Variants in CGREF1 observed in about 807,000 individuals in gnomAD.
The protein encoded by CGREF1 is cell growth regulator with EF hand domain protein 1.
In CGREF1, 16 loss-of-function variants were observed where a neutral mutation model predicts 17.4. The ratio of observed to expected loss-of-function variants is 0.92; its 90% confidence interval spans 0.62 to 1.40. The LOEUF (loss-of-function observed/expected upper bound fraction) is 1.40. Among genes scored for constraint, CGREF1 ranks in the 40% most tolerant of loss-of-function variants. The pLI is 0.00. For missense variants in CGREF1, 296 were observed against 376.4 expected, an observed-to-expected ratio of 0.79 and a Z score of 1.77; for synonymous variants, 142 against 154.6, an observed-to-expected ratio of 0.92 and a Z score of 0.61.
chr2:27,105,547 T>TG (rs1435843762), intron 1 of CGREF1, among the ~76,000 whole-genome samples: 3 of 11,878 alleles, frequency 2.5e-4, no homozygotes, highest in African/African-American at 3.4e-4. Flanking sequence ...GTCATTTTTC[T>TG]TTTTTTTCTT....
At chr2:27,099,653 C>T (rs770569236), downstream of CGREF1, 20 of 1,614,014 alleles carry the variant, frequency 1.2e-5, no homozygotes, top group East Asian at 2.2e-5. Context: ...TAGCTACTTG[C>T]CCCTCCTCCA....
intron 1 of CGREF1, among the ~76,000 whole-genome samples, chr2:27,115,043 T>G (rs1446525295): frequency 6.6e-6 from 1 of 152,204 alleles, no homozygotes; most frequent in African/African-American, 2.4e-5. Flanking sequence ...CCCATTATCC[T>G]TTTAAGCCAT....
At chr2:27,108,319 A>T (rs1463809055) in intron 1 of CGREF1, among the ~76,000 whole-genome samples, 1 of 152,208 alleles carries the variant, frequency 6.6e-6, no homozygotes, top group Non-Finnish European at 1.5e-5. Context: ...ATTAGACACA[A>T]CTGATATGAG....
chr2:27,110,695 A>G, intron 1 of CGREF1: 1 of 159,712 alleles, frequency 6.3e-6, no homozygotes, highest in Non-Finnish European at 1.4e-5. Context: ...TGTGTCCGGA[A>G]TTGGTGGGTT....
chr2:27,100,167 C>T, downstream of CGREF1: 1 of 483,284 alleles, frequency 2.1e-6, no homozygotes, highest in Non-Finnish European at 3.8e-6. Context: ...ACTCGGTGCC[C>T]CACACCCAGT....
Position 27,101,074 on chromosome 2 carries a change from G to A in CGREF1, c.*200C>T, listed in dbSNP as rs1385517708. ...CTGGACGGGTAGAGAGGTGGCCGGG[G>A]GGATGAATTCATTCAGTTCTTTATT... On this transcript the variant is annotated 3_prime_UTR_variant, in exon 6 of 6. Coordinates refer to ENST00000402394, the MANE Select transcript of CGREF1 (RefSeq NM_006569.6). The A allele has an allele frequency of 1.1e-5, 15 of 1,357,956 alleles. No homozygotes were observed. The highest frequency in any genetic ancestry group is 1.4e-5 in the Non-Finnish European group (15 of 1,062,128). The allele number at this position is 1,357,956 out of a possible 1,614,324, so 84.1% of individuals were successfully genotyped here. A position where few individuals can be genotyped will look rare whatever the true frequency, so the allele number is the denominator to read the frequency against.
In CGREF1 at chr2:27,116,888, TC is replaced by T; in HGVS notation, c.-12+1957del. Among the ~76,000 whole-genome samples the T allele has an allele frequency of 2.0e-5, 2 of 97,634 alleles. 1 individual carries two copies. Among genetic ancestry groups the T allele is most frequent in the South Asian group, 7.1e-4 (2 of 2,800 alleles). 64.1% of individuals were successfully genotyped at this position (97,634 alleles called of 152,430 possible). On this transcript the variant is annotated intron_variant, in intron 1 of 5. Transcript: ENST00000402394. ...CAGGCCTATTCTCTCTCTCTCTCTC[TC>T]TCTCTCTCTCTCTCTCTCTCTCTCT...
intron 1 of CGREF1, among the ~76,000 whole-genome samples, chr2:27,113,280 G>A (rs1425542036): frequency 6.6e-6 from 1 of 152,132 alleles, no homozygotes; most frequent in Non-Finnish European, 1.5e-5. Flanking sequence ...CCTGGCCTGG[G>A]TGCCACAGAG....
At position 27,118,455 on chromosome 2, in the gene CGREF1, G is replaced by A. The variant is rs183841359; in HGVS notation, c.-12+391C>T. 1.9e-4 allele frequency among the ~76,000 whole-genome samples: 29 copies of A among 152,214 alleles called. No homozygotes were observed. The East Asian group carries it at 5.6e-3, about 29-fold the overall frequency. On this transcript the variant is annotated intron_variant, in intron 1 of 5. Coordinates refer to ENST00000402394, the MANE Select transcript of CGREF1 (RefSeq NM_006569.6). ...GCCCACACCCGGGAGCTGGTCCCTC[G>A]GCCACCTGCAAGCGGACGACAGCCT... is the stretch of plus-strand genomic sequence containing the variant.
At chr2:27,109,778 G>A (rs551116163) in intron 1 of CGREF1, among the ~76,000 whole-genome samples, 1 of 151,360 alleles carries the variant, frequency 6.6e-6, no homozygotes, top group Admixed American at 6.6e-5. Context: ...CCAGCTACTT[G>A]GGTGGCTGAG....
chr2:27,108,601 A>G (rs1206415331), intron 1 of CGREF1, among the ~76,000 whole-genome samples: 1 of 152,248 alleles, frequency 6.6e-6, no homozygotes, highest in Admixed American at 6.5e-5. Context: ...TCTAAAATAG[A>G]ACACTCAAGA....
At chr2:27,115,773 G>A (rs1007056561) in intron 1 of CGREF1, among the ~76,000 whole-genome samples, 5 of 152,198 alleles carry the variant, frequency 3.3e-5, no homozygotes, top group Non-Finnish European at 5.9e-5. Flanking sequence ...ATAGCACACT[G>A]CTTCAAACCA....
intron 1 of CGREF1, among the ~76,000 whole-genome samples, chr2:27,111,738 G>C (rs2148395801): frequency 6.7e-6 from 1 of 149,970 alleles, no homozygotes; most frequent in South Asian, 2.1e-4. Context: ...GCCCGGGGCC[G>C]GCGGGGCCGG....
At chr2:27,107,206 T>C (rs1402789498) in intron 1 of CGREF1, among the ~76,000 whole-genome samples, 2 of 152,178 alleles carry the variant, frequency 1.3e-5, no homozygotes, top group Non-Finnish European at 1.5e-5. Context: ...GGAAAAGCTG[T>C]GTTGGAATTG....
intron 1 of CGREF1, among the ~76,000 whole-genome samples, chr2:27,105,532 A>C (rs1671084679): frequency 7.6e-6 from 1 of 131,826 alleles, no homozygotes; most frequent in African/African-American, 2.8e-5. Context: ...AGAGTCACAG[A>C]ACCTGTCATT....
At chr2:27,102,291 G>A in intron 4 of CGREF1, 69 bp downstream of exon 4, 1 of 1,612,690 alleles carries the variant, frequency 6.2e-7, no homozygotes, top group Non-Finnish European at 8.5e-7. Flanking sequence ...CAATGGGGCA[G>A]CCGAGGTCAG....
chr2:27,108,346 AATAG>A (rs575054940), intron 1 of CGREF1, among the ~76,000 whole-genome samples: 355 of 152,380 alleles, frequency 2.3e-3, no homozygotes, highest in African/African-American at 8.4e-3. Flanking sequence ...TGAACTGGAA[AATAG>A]ATCTGAATAA....
In CGREF1 at chr2:27,104,837, G is replaced by GTGTTTATTAAAA; in HGVS notation, c.-11-461_-11-460insTTTTAATAAACA. ...TTAAACACAGGCAAAAAGAGAAATG[G>GTGTTTATTAAAA]ACTGTTTGTGTTTATTAAAAACCCA... On this transcript the variant is annotated intron_variant, in intron 1 of 5. Transcript: ENST00000402394. 2.8e-6 allele frequency: 4 copies of GTGTTTATTAAAA among 1,428,554 alleles called. No homozygotes were observed. In the South Asian group the frequency reaches 6.2e-5, roughly 22 times the overall value. 88.5% of individuals were successfully genotyped at this position (1,428,554 alleles called of 1,614,324 possible). A position where few individuals can be genotyped will look rare whatever the true frequency, so the allele number is the denominator to read the frequency against.
At chr2:27,104,783 A>T (rs1487747462) in intron 1 of CGREF1, 2 of 1,469,018 alleles carry the variant, frequency 1.4e-6, no homozygotes, top group African/African-American at 2.8e-5. Context: ...CCAGGTAAGA[A>T]ACGCAGGGAG....
Sources: gnomAD v4.1 joint callset for allele counts (sites outside exome capture counted in the v4.1 genomes callset) on GRCh38, gnomAD v4.1.1 for gene constraint, MANE v1.5 for transcripts, NCBI Gene and HGNC (gene_info 2026-07-23, HGNC 2026-07-21) for gene names.